The following CSF1R variants were observed in gnomAD, a reference collection of about 807,000 sequenced individuals.
CSF1R encodes macrophage colony-stimulating factor 1 receptor.
Under a neutral mutation model 110.0 loss-of-function variants are expected in CSF1R, and 40 were observed. The ratio of observed to expected loss-of-function variants is 0.36; its 90% CI spans 0.28 to 0.47. The LOEUF (loss-of-function observed/expected upper bound fraction) is 0.47, where lower values mean the gene tolerates loss of function less well. Ranked by LOEUF, CSF1R falls within the 20% of genes least tolerant of loss-of-function variation. CSF1R has a pLI of 0.99. For missense variants in CSF1R, 1,052 were observed against 1,253.0 expected (o/e 0.84, Z 2.42); for synonymous variants, 523 against 503.4 (o/e 1.04, Z -0.52).
intron 18 of CSF1R, among the ~76,000 whole-genome samples, 166 bp from the exon 19 acceptor site, chr5:150,055,502 T>TTAGGCTTTAGGA (rs904591018): frequency 6.6e-6 from 1 of 152,214 alleles, no homozygotes; most frequent in Admixed American, 6.5e-5. Context: ...TGTGGCAGGC[T>TTAGGCTTTAGGA]TAGGCTTTAG....
At chr5:150,102,457 TG>T (rs1759432691) in intron 1 of CSF1R, among the ~76,000 whole-genome samples, 1 of 152,212 alleles carries the variant, frequency 6.6e-6, no homozygotes, top group African/African-American at 2.4e-5. Flanking sequence ...TCCGTTTTTT[TG>T]TCTTTATTGA....
chr5:150,066,250 C>T (rs1757765571), intron 10 of CSF1R, among the ~76,000 whole-genome samples: 1 of 152,192 alleles, frequency 6.6e-6, no homozygotes, highest in Non-Finnish European at 1.5e-5. Context: ...GTCCAGCACC[C>T]CGCTCAGTCC....
intron 9 of CSF1R, 49 bp downstream of exon 9, chr5:150,069,824 G>A (rs1426594944): frequency 1.6e-6 from 2 of 1,247,672 alleles, no homozygotes; most frequent in Non-Finnish European, 2.1e-6. Flanking sequence ...AAGGAGCAGG[G>A]GCGGGGGGCG....
At chr5:150,063,348 C>T (rs1757618182) in intron 10 of CSF1R, among the ~76,000 whole-genome samples, 1 of 151,748 alleles carries the variant, frequency 6.6e-6, no homozygotes. Flanking sequence ...GGTGAGTCGC[C>T]ATCTGACTTT....
chr5:150,054,987 C>T (rs1007953103), intron 19 of CSF1R, among the ~76,000 whole-genome samples: 19 of 121,240 alleles, frequency 1.6e-4, no homozygotes, highest in Non-Finnish European at 3.0e-4. Context: ...GAGCAAGATG[C>T]TGTCTCAAAA....
rs1265161202 is a variant in CSF1R, at chr5:150,053,363, A to G, written c.*706T>C. 4.3e-6 allele frequency: 1 copy of G among 233,804 alleles called. No homozygotes were observed. The highest frequency in any genetic ancestry group is 8.5e-6 in the Non-Finnish European group (1 of 118,212). The allele number at this position is 233,804 out of a possible 1,614,324, so 14.5% of individuals were successfully genotyped here. A position where few individuals can be genotyped will look rare whatever the true frequency, so the allele number is the denominator to read the frequency against. ...GCGTGACTGTTAGTTAGGATGAGTCAGCTTGGGGGAGTTTGTGCTTCCTGC... is the reference window on the plus strand; with the variant it reads ...GCGTGACTGTTAGTTAGGATGAGTCGGCTTGGGGGAGTTTGTGCTTCCTGC... On this transcript the variant is annotated 3_prime_UTR_variant, in exon 21 of 21. Transcript: ENST00000675795.
intron 1 of CSF1R, among the ~76,000 whole-genome samples, chr5:150,105,596 C>A (rs1307881438): frequency 6.6e-6 from 1 of 151,826 alleles, no homozygotes; most frequent in Non-Finnish European, 1.5e-5. Flanking sequence ...AGTTACAGCT[C>A]ACTGAAGCCT....
chr5:150,060,345 AATG>A (rs1757447357), intron 13 of CSF1R, among the ~76,000 whole-genome samples: 1 of 147,822 alleles, frequency 6.8e-6, no homozygotes, highest in Non-Finnish European at 1.5e-5. Context: ...AAAAACAAAA[AATG>A]AAAAAAAAAA....
At chr5:150,090,463 A>T (rs1021170890), upstream of CSF1R, among the ~76,000 whole-genome samples, 12 of 152,080 alleles carry the variant, frequency 7.9e-5, no homozygotes, top group African/African-American at 2.7e-4. Context: ...AACCCCTTAC[A>T]CCAAACAACC....
At chr5:150,076,467 G>A (rs1758273254) in intron 5 of CSF1R, among the ~76,000 whole-genome samples, 1 of 152,126 alleles carries the variant, frequency 6.6e-6, no homozygotes, top group Non-Finnish European at 1.5e-5. Flanking sequence ...TTAGCAACCT[G>A]CTAGTCCTTG....
chr5:150,086,450 G>T lies in CSF1R; in HGVS notation c.-23C>A. 1.2e-6 allele frequency: 2 copies of T among 1,602,850 alleles called. No individual in the cohort carries two copies. Among genetic ancestry groups the T allele is most frequent in the Non-Finnish European group, 1.7e-6 (2 of 1,174,970 alleles). ...CATGGCCTCGGTGGGGAAGTGGCAG[G>T]CAGGTGCAGGGCTGCAAGGTGCCCA... On this transcript the variant is annotated 5_prime_UTR_variant, in exon 1 of 21. Coordinates refer to ENST00000675795, the MANE Select transcript of CSF1R (RefSeq NM_001288705.3).
chr5:150,107,696 A>G (rs1242546966), intron 1 of CSF1R, among the ~76,000 whole-genome samples: 1 of 152,264 alleles, frequency 6.6e-6, no homozygotes, highest in East Asian at 1.9e-4. Flanking sequence ...GTAAAGGGGA[A>G]CAGCCTAGGC....
upstream of CSF1R, among the ~76,000 whole-genome samples, chr5:150,088,471 A>G (rs1436181962): frequency 1.3e-5 from 2 of 152,198 alleles, no homozygotes; most frequent in Non-Finnish European, 2.9e-5. Flanking sequence ...ATACAAATGC[A>G]TGAATATAGA....
chr5:150,080,781 T>A lies in CSF1R; in HGVS notation c.293A>T (p.His98Leu), dbSNP rs1758501951. Residue 98 changes from histidine to leucine, a missense_variant, in exon 2 of 21, where the codon CAC becomes CTC. Transcript: ENST00000675795. ...AGACTCCTCACCTTTGACATAGAGG[T>A]GGATGGCGGCGCTGCCTCCCAGGGG... ...GDPLGGSAAI[H>L]LYVKDPARPW... 1 of 1,613,830 alleles carries A rather than the reference T, an allele frequency of 6.2e-7. No individual in the cohort carries two copies.
chr5:150,071,325 G>A (rs533433248), intron 6 of CSF1R, among the ~76,000 whole-genome samples: 36 of 152,204 alleles, frequency 2.4e-4, no homozygotes, highest in African/African-American at 8.4e-4. Flanking sequence ...TGTCCATAAT[G>A]AACATGTGTT....
Position 150,057,287 on chromosome 5 carries a change from A to G in CSF1R, c.2319T>C (p.Asn773=), listed in dbSNP as rs1181228040. Residue 773 remains asparagine, a splice_region_variant and synonymous_variant, in exon 16 of 21, where the codon AAT becomes AAC. Transcript: ENST00000675795. ...AQGMAFLASK[N]CIHRDVAARN... The stretch of plus-strand genomic sequence containing the variant: ...GAGCCAGGGCCAGGTTCCTACTCAC[A>G]TTCTTGGAAGCGAGGAAGGCCATGC... 2 of 1,612,496 alleles carry G rather than the reference A, an allele frequency of 1.2e-6. No individual in the cohort carries two copies. The highest frequency in any genetic ancestry group is 1.7e-5 in the Admixed American group (1 of 59,998).
Position 150,061,534 on chromosome 5 carries a change from G to A in CSF1R, c.1815C>T (p.Gly605=), listed in dbSNP as rs2113791960. Residue 605 remains glycine, a synonymous_variant, in exon 12 of 21, where the codon GGC becomes GGT. Coordinates refer to ENST00000675795, the MANE Select transcript of CSF1R (RefSeq NM_001288705.3). ...CCACCTTCAGGACAGCATCCTCCTT[G>A]CCCAGACCAAAGGCCGTGGCCTCCA... The part of the protein sequence containing the change: ...KVVEATAFGL[G]KEDAVLKVAV... The A allele has an allele frequency of 1.3e-6, 2 of 1,576,998 alleles. No individual in the cohort carries two copies. The highest frequency in any genetic ancestry group is 1.4e-5 in the African/African-American group (1 of 71,826).
At chr5:150,061,204 C>A (rs1273647677) in intron 12 of CSF1R, among the ~76,000 whole-genome samples, 1 of 152,182 alleles carries the variant, frequency 6.6e-6, no homozygotes, top group African/African-American at 2.4e-5. Flanking sequence ...TGACAGGAAG[C>A]CAAACTGTGG....
chr5:150,057,741 TG>T (rs1309098861), intron 14 of CSF1R, 149 bp from the exon 15 acceptor site: 18 of 638,402 alleles, frequency 2.8e-5, no homozygotes, highest in Non-Finnish European at 5.0e-5. Flanking sequence ...GAGTGAGCAT[TG>T]GTCTCTGCTC....
Sources: gnomAD v4.1 joint callset for allele counts (sites outside exome capture counted in the v4.1 genomes callset) on GRCh38, gnomAD v4.1.1 for gene constraint, MANE v1.5 for transcripts, NCBI Gene and HGNC (gene_info 2026-07-23, HGNC 2026-07-21) for gene names.